The following CBLN2 variants were observed in gnomAD, a reference collection of about 807,000 sequenced individuals.
CBLN2 encodes cerebellin 2 precursor.
CBLN2 carries 7 observed loss-of-function variants against 15.0 expected under a neutral mutation model. The observed-to-expected ratio is 0.47, with a 90% CI of 0.27 to 0.88. CBLN2 has a LOEUF of 0.88. Among genes scored for constraint, CBLN2 ranks in the 40% least tolerant of loss-of-function variants. The pLI, the probability that CBLN2 is intolerant of heterozygous loss-of-function variation, is 0.14. For synonymous variants in CBLN2, 149 were observed against 135.2 expected, an observed-to-expected ratio of 1.10 and a Z score of -0.71; for missense variants, 242 against 304.5, an observed-to-expected ratio of 0.79 and a Z score of 1.53.
At chr18:72,584,309 A>G (rs900334371) in intron 1 of CBLN2, among the ~76,000 whole-genome samples, 2 of 149,600 alleles carry the variant, frequency 1.3e-5, no homozygotes, top group Non-Finnish European at 3.0e-5. Context: ...AAAATTACCA[A>G]TCCTTTTTTT....
chr18:72,582,941 A>G (rs1272278570), intron 1 of CBLN2, among the ~76,000 whole-genome samples: 1 of 152,206 alleles, frequency 6.6e-6, no homozygotes, highest in Non-Finnish European at 1.5e-5. Context: ...AAACGCTGGT[A>G]TCTCAGCCTG....
chr18:72,630,208 C>T lies in CBLN2; in HGVS notation c.15+8117G>A, dbSNP rs570846641. On this transcript the variant is annotated intron_variant, in intron 1 of 2. Coordinates refer to the CBLN2 transcript ENST00000581073. Reference sequence around the variant, plus strand: ...TTATACCACAAAATGAATTATCATTCGATGTCTAGATAGCAGCACTGGGGG... The same window carrying T: ...TTATACCACAAAATGAATTATCATTTGATGTCTAGATAGCAGCACTGGGGG... Among the ~76,000 whole-genome samples the T allele has an allele frequency of 5.3e-5, 8 of 152,006 alleles. No individual in the cohort carries two copies. In the South Asian group the frequency reaches 6.2e-4, roughly 12 times the overall value.
intron 4 of CBLN2, 65 bp from the exon 5 acceptor site, chr18:72,538,438 C>T (rs563945396): frequency 7.0e-6 from 11 of 1,565,448 alleles, no homozygotes; most frequent in Admixed American, 1.7e-5. Flanking sequence ...CTGTTCTCTC[C>T]TTTGCCAATA....
At chr18:72,624,122 A>C (rs1419008058) in intron 1 of CBLN2, among the ~76,000 whole-genome samples, 1 of 152,112 alleles carries the variant, frequency 6.6e-6, no homozygotes, top group Non-Finnish European at 1.5e-5. Flanking sequence ...CACAGTGGAC[A>C]CATAGGAGGA....
intron 1 of CBLN2, among the ~76,000 whole-genome samples, chr18:72,608,896 G>T (rs1215683568): frequency 6.6e-6 from 1 of 152,218 alleles, no homozygotes; most frequent in African/African-American, 2.4e-5. Context: ...ATGATGGCAG[G>T]CAAGGGAGCT....
intron 1 of CBLN2, among the ~76,000 whole-genome samples, chr18:72,632,982 T>G (rs1347463023): frequency 6.6e-6 from 1 of 152,184 alleles, no homozygotes; most frequent in Non-Finnish European, 1.5e-5. Flanking sequence ...TGCAATGTGA[T>G]TTTAAACAAT....
chr18:72,568,071 T>G (rs1297249010), intron 1 of CBLN2, among the ~76,000 whole-genome samples: 2 of 152,202 alleles, frequency 1.3e-5, no homozygotes, highest in Non-Finnish European at 2.9e-5. Context: ...ACTTTTTATT[T>G]CGTTTCAGTA....
intron 1 of CBLN2, chr18:72,618,678 C>T (rs373364704): frequency 3.1e-5 from 24 of 764,458 alleles, no homozygotes; most frequent in African/African-American, 3.1e-4. Flanking sequence ...AACTCATGAC[C>T]GACTGAGGCA....
chr18:72,594,751 A>G (rs2069502200), intron 1 of CBLN2, among the ~76,000 whole-genome samples: 1 of 151,890 alleles, frequency 6.6e-6, no homozygotes, highest in African/African-American at 2.4e-5. Flanking sequence ...TTCTTGTTTA[A>G]ATCTTGGTAG....
At chr18:72,589,899 G>A (rs1043499273) in intron 1 of CBLN2, among the ~76,000 whole-genome samples, 5 of 152,170 alleles carry the variant, frequency 3.3e-5, no homozygotes, top group Non-Finnish European at 5.9e-5. Context: ...TTGGGAGGCC[G>A]AGGTGAGCAG....
chr18:72,566,863 C>T (rs552922820), intron 1 of CBLN2, among the ~76,000 whole-genome samples: 6 of 152,154 alleles, frequency 3.9e-5, no homozygotes, highest in African/African-American at 1.2e-4. Flanking sequence ...GACAGAGTCT[C>T]GCTCTGTCAC....
chr18:72,547,590 T>A (rs2069166648), upstream of CBLN2, among the ~76,000 whole-genome samples: 1 of 152,134 alleles, frequency 6.6e-6, no homozygotes, highest in Non-Finnish European at 1.5e-5. Context: ...AGTTTTAGAA[T>A]GAGCTACAGG....
intron 1 of CBLN2, among the ~76,000 whole-genome samples, chr18:72,551,139 A>T (rs1046229722): frequency 6.6e-6 from 1 of 152,072 alleles, no homozygotes; most frequent in African/African-American, 2.4e-5. Flanking sequence ...CTATTTAAAC[A>T]TTGATAAATT....
chr18:72,547,954 C>T (rs542078714), upstream of CBLN2, among the ~76,000 whole-genome samples: 2 of 152,280 alleles, frequency 1.3e-5, no homozygotes, highest in African/African-American at 4.8e-5. Flanking sequence ...TTGTTCTGCT[C>T]GCTCTTACCA....
chr18:72,636,411 G>A (rs530429026), intron 1 of CBLN2, among the ~76,000 whole-genome samples: 6 of 152,314 alleles, frequency 3.9e-5, no homozygotes, highest in African/African-American at 1.4e-4. Context: ...CCAAACAGAT[G>A]ATTCTGTTCT....
chr18:72,607,609 C>T (rs1599020883), intron 1 of CBLN2, among the ~76,000 whole-genome samples: 2 of 152,124 alleles, frequency 1.3e-5, no homozygotes, highest in Non-Finnish European at 2.9e-5. Flanking sequence ...TATTCTGTAA[C>T]ATTTTCCTTA....
At chr18:72,618,161 G>A (rs188104229) in intron 1 of CBLN2, 1 of 169,596 alleles carries the variant, frequency 5.9e-6, no homozygotes, top group African/African-American at 2.4e-5. Context: ...TTTCAAAACA[G>A]GCTATAAAAG....
At chr18:72,621,921 T>C (rs2069703389) in intron 1 of CBLN2, among the ~76,000 whole-genome samples, 1 of 152,222 alleles carries the variant, frequency 6.6e-6, no homozygotes, top group Admixed American at 6.5e-5. Context: ...GATGGATTCA[T>C]ATTCATGAGA....
At chr18:72,610,147 T>G (rs2069612295) in intron 1 of CBLN2, among the ~76,000 whole-genome samples, 1 of 152,128 alleles carries the variant, frequency 6.6e-6, no homozygotes, top group African/African-American at 2.4e-5. Context: ...ATGTAGACTG[T>G]ATTTATGGCT....
Sources: gnomAD v4.1 joint callset for allele counts (sites outside exome capture counted in the v4.1 genomes callset) on GRCh38, gnomAD v4.1.1 for gene constraint, MANE v1.5 for transcripts, NCBI Gene and HGNC (gene_info 2026-07-23, HGNC 2026-07-21) for gene names.